UBE2L3: variants seen among roughly 807,000 people sequenced by gnomAD.
UBE2L3 encodes the protein ubiquitin-conjugating enzyme E2 L3.
UBE2L3 carries 1 observed loss-of-function variant against 17.8 expected under a neutral mutation model. That is an observed-to-expected ratio of 0.06 (90% confidence interval 0.02 to 0.27). The LOEUF is 0.27. Among genes scored for constraint, UBE2L3 ranks in the 10% least tolerant of loss-of-function variants. The probability of loss-of-function intolerance (pLI) is 1.00; values close to 1 mark genes in which losing one functional copy is unlikely to be tolerated. For synonymous variants in UBE2L3, 44 were observed against 68.5 expected (o/e 0.64, Z 1.76); for missense variants, 40 against 192.6 (o/e 0.21, Z 4.69).
chr22:21,576,628 G>T (rs1927314398), intron 1 of UBE2L3, among the ~76,000 whole-genome samples: 1 of 151,500 alleles, frequency 6.6e-6, no homozygotes. Context: ...TAGAGCTGGG[G>T]TTTCACCATG....
chr22:21,606,810 C>G (rs1194594438), intron 2 of UBE2L3, among the ~76,000 whole-genome samples: 1 of 152,174 alleles, frequency 6.6e-6, no homozygotes, highest in African/African-American at 2.4e-5. Context: ...GATTGCACCT[C>G]TGCACTCCAG....
At chr22:21,589,154 T>C (rs1159924834) in intron 1 of UBE2L3, among the ~76,000 whole-genome samples, 1 of 147,484 alleles carries the variant, frequency 6.8e-6, no homozygotes, top group Non-Finnish European at 1.5e-5. Flanking sequence ...TTTTTTTTTT[T>C]TTTTTTTTTG....
At chr22:21,604,415 C>T (rs777261987) in intron 2 of UBE2L3, among the ~76,000 whole-genome samples, 11 of 152,070 alleles carry the variant, frequency 7.2e-5, no homozygotes, top group South Asian at 2.1e-4. Context: ...ACAGGACAAT[C>T]GTTTGAACCC....
At chr22:21,569,178 T>C (rs1444894445) in intron 1 of UBE2L3, among the ~76,000 whole-genome samples, 2 of 151,848 alleles carry the variant, frequency 1.3e-5, no homozygotes, top group Non-Finnish European at 2.9e-5. Context: ...GGCGGATCAC[T>C]TGAGGTCAGG....
At chr22:21,567,837 A>G (rs914759245) in intron 1 of UBE2L3, 66 bp downstream of exon 1, 3 of 1,554,862 alleles carry the variant, frequency 1.9e-6, no homozygotes, top group Non-Finnish European at 2.6e-6. Flanking sequence ...TCCCCGAGGC[A>G]GGCGGCGGCT....
intron 1 of UBE2L3, among the ~76,000 whole-genome samples, chr22:21,585,416 G>T (rs148507661): frequency 3.5e-4 from 53 of 152,260 alleles, no homozygotes; most frequent in African/African-American, 1.3e-3. Context: ...TTAGAGGTTT[G>T]GTCTTTAAGC....
intron 1 of UBE2L3, among the ~76,000 whole-genome samples, chr22:21,572,388 T>TC: frequency 6.8e-6 from 1 of 146,218 alleles, no homozygotes; most frequent in East Asian, 2.0e-4. Context: ...TGAGCCAAGA[T>TC]TGTGTCATTG....
In UBE2L3 at chr22:21,621,968, T is replaced by C. The variant is rs1197491140; in HGVS notation, c.*299T>C. 1 of 320,386 alleles carries C rather than the reference T, an allele frequency of 3.1e-6. No homozygotes were observed. Among genetic ancestry groups the C allele is most frequent in the Non-Finnish European group, 5.6e-6 (1 of 177,272 alleles). The allele number at this position is 320,386 out of a possible 1,614,324, so 19.8% of individuals were successfully genotyped here. A position where few individuals can be genotyped will look rare whatever the true frequency, so the allele number is the denominator to read the frequency against. On this transcript the variant is annotated 3_prime_UTR_variant, in exon 4 of 4. Transcript: ENST00000342192. ...CCAATTTTATCCAAAATCTTCAAGT[T>C]ACATTTAACCCATAAGGTTTAAAAA... is the stretch of plus-strand genomic sequence containing the variant.
At chr22:21,574,655 G>A (rs568455115) in intron 1 of UBE2L3, among the ~76,000 whole-genome samples, 1 of 152,270 alleles carries the variant, frequency 6.6e-6, no homozygotes, top group South Asian at 2.1e-4. Flanking sequence ...AGACAGCTGT[G>A]TGAATGTTTG....
chr22:21,611,151 C>T, intron 3 of UBE2L3, 108 bp downstream of exon 3: 1 of 1,310,320 alleles, frequency 7.6e-7, no homozygotes, highest in Non-Finnish European at 1.0e-6. Flanking sequence ...CTTTCAGGTA[C>T]ACGAAAAATG....
At chr22:21,581,054 A>G (rs1927600929) in intron 1 of UBE2L3, among the ~76,000 whole-genome samples, 1 of 140,090 alleles carries the variant, frequency 7.1e-6, no homozygotes, top group Non-Finnish European at 1.6e-5. Flanking sequence ...ATGCCCGGCT[A>G]ATTTTTTTTT....
At chr22:21,621,149 C>CA (rs534366923) in intron 3 of UBE2L3, among the ~76,000 whole-genome samples, 31 of 152,206 alleles carry the variant, frequency 2.0e-4, no homozygotes, top group African/African-American at 7.0e-4. Flanking sequence ...GCCTAGGTGA[C>CA]AGAGTGAGAC....
intron 1 of UBE2L3, among the ~76,000 whole-genome samples, chr22:21,583,879 T>A (rs1308614236): frequency 2.6e-5 from 4 of 151,000 alleles, no homozygotes; most frequent in African/African-American, 7.3e-5. Flanking sequence ...TAAATTTTAA[T>A]TTTTTTTTTC....
rs986164584 is a variant in UBE2L3 at position 21,613,222 on chromosome 22, T to C, written c.310+2179T>C. ...GATGCACGTGCTTTGCCACCTCTCA[T>C]GGGGCTGCTGCATAGAAGGCCGTGG... On this transcript the variant is annotated intron_variant, in intron 3 of 3. Coordinates refer to ENST00000342192, the MANE Select transcript of UBE2L3 (RefSeq NM_003347.4). Among the ~76,000 whole-genome samples the C allele has an allele frequency of 1.3e-5, 2 of 152,322 alleles. 1 individual carries two copies. The highest frequency in any genetic ancestry group is 6.8e-3 in the Middle Eastern group (2 of 294).
At chr22:21,564,813 T>C (rs1047454640), upstream of UBE2L3, among the ~76,000 whole-genome samples, 3 of 152,158 alleles carry the variant, frequency 2.0e-5, no homozygotes, top group African/African-American at 7.2e-5. Flanking sequence ...TGTTTTTTAT[T>C]TGTCCTGGGC....
chr22:21,556,716 C>T (rs1908916018), intron 1 of UBE2L3, among the ~76,000 whole-genome samples: 1 of 151,768 alleles, frequency 6.6e-6, no homozygotes, highest in South Asian at 2.1e-4. Flanking sequence ...CCTGCCTCGG[C>T]CTCCCAAAGT....
intron 1 of UBE2L3, chr22:21,568,151 G>T (rs946152448): frequency 6.8e-5 from 69 of 1,019,902 alleles, no homozygotes; most frequent in Non-Finnish European, 8.0e-5. Context: ...GAGCGCCGGA[G>T]CCCCTGCCCG....
chr22:21,565,648 G>T (rs1031323606), upstream of UBE2L3, among the ~76,000 whole-genome samples: 9 of 147,920 alleles, frequency 6.1e-5, no homozygotes, highest in African/African-American at 2.2e-4. Flanking sequence ...TGCTACTCAG[G>T]AGGCTGAGGC....
At chr22:21,555,657 C>A (rs1316250770) in intron 1 of UBE2L3, among the ~76,000 whole-genome samples, 1 of 151,512 alleles carries the variant, frequency 6.6e-6, no homozygotes, top group African/African-American at 2.4e-5. Flanking sequence ...GTAGGCTGGG[C>A]GCTGTGACTC....
Sources: allele counts gnomAD v4.1 joint callset (sites outside exome capture counted in the v4.1 genomes callset), GRCh38; gene constraint gnomAD v4.1.1; transcripts MANE v1.5; gene names NCBI Gene and HGNC (gene_info 2026-07-23, HGNC 2026-07-21).